Variants in RABGAP1L observed in about 807,000 individuals in gnomAD.
RABGAP1L encodes the protein RAB GTPase activating protein 1 like.
RABGAP1L carries 63 observed loss-of-function variants against 137.7 expected under a neutral mutation model. The observed-to-expected ratio is 0.46, with a 90% CI of 0.37 to 0.56. The LOEUF is 0.56. RABGAP1L is among the 20% of genes least tolerant of loss of function. The pLI, the probability that RABGAP1L is intolerant of heterozygous loss-of-function variation, is 0.00. For synonymous variants in RABGAP1L, 431 were observed against 433.7 expected, an observed-to-expected ratio of 0.99 and a Z score of 0.08; for missense variants, 1,095 against 1,244.0, an observed-to-expected ratio of 0.88 and a Z score of 1.80.
intron 1 of RABGAP1L, among the ~76,000 whole-genome samples, chr1:174,175,691 T>C (rs1253730312): frequency 6.7e-6 from 1 of 149,996 alleles, no homozygotes; most frequent in Non-Finnish European, 1.5e-5. Context: ...AATGGTGCGA[T>C]CTCAGCTTAC....
Position 174,797,891 on chromosome 1 carries a change from A to G in RABGAP1L, c.2212-13941A>G, listed in dbSNP as rs574379255. Among the ~76,000 whole-genome samples the G allele has an allele frequency of 1.4e-3, 211 of 152,256 alleles. 1 individual carries two copies. The South Asian group carries it at 0.02, about 14-fold the overall frequency. Reference sequence around the variant, plus strand: ...TGAAATTTATTTGTATATACGTAATATTCTATGCTTATGATCATTTTACAT... The same window carrying G: ...TGAAATTTATTTGTATATACGTAATGTTCTATGCTTATGATCATTTTACAT... On this transcript the variant is annotated intron_variant, in intron 18 of 25. Coordinates refer to ENST00000681986, the MANE Select transcript of RABGAP1L (RefSeq NM_001366446.1).
Position 174,876,121 on chromosome 1 carries a change from GA to G in RABGAP1L, c.2340+64168del, listed in dbSNP as rs570848769. 2.0e-3 allele frequency among the ~76,000 whole-genome samples: 300 copies of G among 152,102 alleles called. 1 individual carries two copies. Among genetic ancestry groups the G allele is most frequent in the Non-Finnish European group, 3.6e-3 (243 of 67,968 alleles). Reference sequence around the variant, plus strand: ...TACAAGTAATCATGTTAATGTAGATGAAAAAAATACTTTTGGAAAACATGGG... The same window carrying G: ...TACAAGTAATCATGTTAATGTAGATGAAAAAATACTTTTGGAAAACATGGG... On this transcript the variant is annotated intron_variant, in intron 19 of 25. Coordinates refer to ENST00000681986, the MANE Select transcript of RABGAP1L (RefSeq NM_001366446.1).
rs542436707 is a variant in RABGAP1L, at chr1:174,783,062, T to G, written c.2212-28770T>G. 7.2e-5 allele frequency among the ~76,000 whole-genome samples: 11 copies of G among 152,280 alleles called. No homozygotes were observed. In the East Asian group the frequency reaches 1.2e-3, roughly 16 times the overall value. The stretch of plus-strand genomic sequence containing the variant: ...TTTGTTCTGGCTGGAGCTGAGCTTT[T>G]GCTCACCGTTCATCACTGCTGAATG... On this transcript the variant is annotated intron_variant, in intron 18 of 25. Transcript: ENST00000681986.
chr1:174,188,427 C>CT (rs1316372498), intron 1 of RABGAP1L, among the ~76,000 whole-genome samples: 1 of 152,000 alleles, frequency 6.6e-6, no homozygotes, highest in Non-Finnish European at 1.5e-5. Flanking sequence ...TGGTGGTTGT[C>CT]TTAGAGGAAA....
intron 3 of RABGAP1L, among the ~76,000 whole-genome samples, chr1:174,225,579 G>A (rs1266298920): frequency 6.9e-6 from 1 of 144,836 alleles, no homozygotes; most frequent in East Asian, 2.0e-4. Flanking sequence ...TGGTTCCAAA[G>A]TATTTTCAAT....
intron 19 of RABGAP1L, chr1:174,892,643 G>T: frequency 1.9e-6 from 1 of 535,424 alleles, no homozygotes. Context: ...TGATGAGGCT[G>T]CTAAAGCTGA....
At chr1:174,375,301 C>T (rs551787150) in intron 12 of RABGAP1L, among the ~76,000 whole-genome samples, 20 of 151,828 alleles carry the variant, frequency 1.3e-4, no homozygotes, top group Non-Finnish European at 2.6e-4. Context: ...ATGATCTAAG[C>T]TTCTATCTTT....
intron 6 of RABGAP1L, among the ~76,000 whole-genome samples, chr1:174,252,130 A>G (rs954202382): frequency 1.3e-5 from 2 of 152,072 alleles, no homozygotes; most frequent in African/African-American, 4.8e-5. Flanking sequence ...CTTGATCTCA[A>G]GTGATCAGCC....
intron 13 of RABGAP1L, among the ~76,000 whole-genome samples, chr1:174,416,048 T>C (rs1184614222): frequency 1.3e-5 from 1 of 78,578 alleles, no homozygotes; most frequent in African/African-American, 9.8e-5. Flanking sequence ...ACACACATTT[T>C]TTTTTTCCTG....
rs1341415386 is a variant in RABGAP1L, at chr1:174,503,263, A to G, written c.1710+109118A>G. On this transcript the variant is annotated intron_variant, in intron 13 of 25. Transcript: ENST00000681986. ...CCACTATGGCAGAGATGAATTGTCAAGAAAGAATCCATATGGCCCACAAAG... is the reference window on the plus strand; with the variant it reads ...CCACTATGGCAGAGATGAATTGTCAGGAAAGAATCCATATGGCCCACAAAG... Among the ~76,000 whole-genome samples the G allele has an allele frequency of 4.6e-5, 7 of 152,236 alleles. No individual in the cohort carries two copies. The South Asian group carries it at 1.4e-3, about 31-fold the overall frequency.
chr1:174,662,121 T>TTTGGGTTTTG (rs59243192), intron 14 of RABGAP1L, among the ~76,000 whole-genome samples: 3 of 135,216 alleles, frequency 2.2e-5, no homozygotes, highest in African/African-American at 9.0e-5. Context: ...TTTTTTTTTT[T>TTTGGGTTTTG]GAGTTGGAGT....
intron 13 of RABGAP1L, among the ~76,000 whole-genome samples, chr1:174,433,044 A>G (rs1376954495): frequency 6.6e-6 from 1 of 152,220 alleles, no homozygotes; most frequent in Non-Finnish European, 1.5e-5. Context: ...ATGAATAGCC[A>G]CTGTATGCTT....
intron 12 of RABGAP1L, among the ~76,000 whole-genome samples, chr1:174,377,604 T>C (rs975113788): frequency 5.3e-5 from 8 of 152,124 alleles, no homozygotes; most frequent in African/African-American, 1.9e-4. Flanking sequence ...CATAAAAAGA[T>C]GCTCAATATC....
intron 11 of RABGAP1L, among the ~76,000 whole-genome samples, chr1:174,306,341 C>A (rs1377880655): frequency 6.6e-6 from 1 of 152,202 alleles, no homozygotes; most frequent in Non-Finnish European, 1.5e-5. Flanking sequence ...AATCACCACA[C>A]TGTCTTCCAC....
intron 19 of RABGAP1L, among the ~76,000 whole-genome samples, chr1:174,875,312 G>GT (rs1558177200): frequency 6.6e-6 from 1 of 152,178 alleles, no homozygotes; most frequent in African/African-American, 2.4e-5. Flanking sequence ...ATTTAAAATT[G>GT]TTTTTTCTGG....
intron 11 of RABGAP1L, among the ~76,000 whole-genome samples, chr1:174,369,493 T>A (rs1443951575): frequency 6.6e-6 from 1 of 152,202 alleles, no homozygotes; most frequent in Non-Finnish European, 1.5e-5. Flanking sequence ...CAAGAATAAT[T>A]TTTAATAGTC....
intron 14 of RABGAP1L, among the ~76,000 whole-genome samples, chr1:174,638,599 C>T (rs918875567): frequency 1.1e-4 from 17 of 148,378 alleles, no homozygotes; most frequent in Admixed American, 7.5e-4. Flanking sequence ...ATGTTTATTG[C>T]GGCATTATTC....
chr1:174,891,993 AAG>A (rs1240357105), intron 19 of RABGAP1L, among the ~76,000 whole-genome samples: 1 of 152,244 alleles, frequency 6.6e-6, no homozygotes, highest in Non-Finnish European at 1.5e-5. Flanking sequence ...AAAACAATAA[AAG>A]AAAATCAATA....
At chr1:174,433,684 G>T (rs1189497908) in intron 13 of RABGAP1L, among the ~76,000 whole-genome samples, 2 of 152,132 alleles carry the variant, frequency 1.3e-5, no homozygotes, top group Non-Finnish European at 1.5e-5. Context: ...GAAAGTATGT[G>T]CAGGCTGGAT....
Sources: gnomAD v4.1 joint callset for allele counts (sites outside exome capture counted in the v4.1 genomes callset) on GRCh38, gnomAD v4.1.1 for gene constraint, MANE v1.5 for transcripts, NCBI Gene and HGNC (gene_info 2026-07-23, HGNC 2026-07-21) for gene names.